The following CFAP45 variants were observed in gnomAD, a reference collection of about 807,000 sequenced individuals.
The protein encoded by CFAP45 is cilia and flagella associated protein 45.
In CFAP45, 43 loss-of-function variants were observed where a neutral mutation model predicts 75.6. The observed-to-expected ratio is 0.57, with a 90% CI of 0.45 to 0.73. The LOEUF is 0.73. Among genes scored for constraint, CFAP45 ranks in the 30% least tolerant of loss-of-function variants. The pLI is 0.00. For synonymous variants in CFAP45, 223 were observed against 244.6 expected, an observed-to-expected ratio of 0.91 and a Z score of 0.82; for missense variants, 689 against 701.5, an observed-to-expected ratio of 0.98 and a Z score of 0.20.
chr1:159,878,277 T>C (rs1020577579), intron 8 of CFAP45, among the ~76,000 whole-genome samples: 36 of 152,232 alleles, frequency 2.4e-4, no homozygotes, highest in Admixed American at 2.0e-3. Context: ...GAGCCAACCA[T>C]GCTTTGGGCA....
chr1:159,890,346 G>T, intron 3 of CFAP45, 134 bp downstream of exon 3: 1 of 800,278 alleles, frequency 1.2e-6, no homozygotes, highest in Non-Finnish European at 2.1e-6. Context: ...CAAACAAAAA[G>T]GGGAAAACGA....
rs139132888 is a variant in CFAP45, at chr1:159,872,984, G to A, written c.1537C>T (p.Arg513Cys). 1.0e-4 allele frequency: 163 copies of A among 1,614,058 alleles called. No individual in the cohort carries two copies. The highest frequency in any genetic ancestry group is 1.6e-4 in the Middle Eastern group (1 of 6,082). The change falls in exon 11 of 12, where the codon CGC (arginine) becomes TGC (cysteine). Residue 513 changes from arginine to cysteine, a missense_variant. Arg to Cys is a radical substitution (Grantham distance 180, BLOSUM62 -3). Transcript: ENST00000368099. ...TTTTTCCTCTTGATCTCATCGATGC[G>A]CTCACGGCGTTTCTGGGCCTCCTCT... The part of the protein sequence containing the change: ...LKEEAQKRRE[R>C]IDEIKRKKLE...
In CFAP45 at chr1:159,875,319, G is replaced by A. The variant is rs187171464; in HGVS notation, c.1352+1237C>T. Among the ~76,000 whole-genome samples the A allele has an allele frequency of 1.1e-3, 165 of 152,334 alleles. 3 individuals carry two copies. The highest frequency in any genetic ancestry group is 1.6e-3 in the Non-Finnish European group (107 of 68,028). ...CTGGAAGGCAGTCTGTAGCCCAAGGGCAGAATCTTGGGGGGCATTTAGGAA... is the reference window on the plus strand; with the variant it reads ...CTGGAAGGCAGTCTGTAGCCCAAGGACAGAATCTTGGGGGGCATTTAGGAA... On this transcript the variant is annotated intron_variant, in intron 10 of 11. Transcript: ENST00000368099.
intron 1 of CFAP45, chr1:159,898,112 C>T (rs1332690493): frequency 2.0e-6 from 2 of 985,290 alleles, no homozygotes; most frequent in Non-Finnish European, 2.4e-6. Context: ...CGCAGGCTGG[C>T]AAATTCAGGC....
chr1:159,873,274 G>A lies in CFAP45; in HGVS notation c.1353-106C>T, dbSNP rs530219563. The A allele has an allele frequency of 9.4e-6, 8 of 850,942 alleles. No individual in the cohort carries two copies. The East Asian group carries it at 2.1e-4, about 22-fold the overall frequency. 52.7% of individuals were successfully genotyped at this position (850,942 alleles called of 1,614,324 possible). ...GGGCTCCTTCAGTAGACATGCCTCAGAGACCACAGCCCTCTGGGCTCCAGC... is the reference window on the plus strand; with the variant it reads ...GGGCTCCTTCAGTAGACATGCCTCAAAGACCACAGCCCTCTGGGCTCCAGC... On this transcript the variant is annotated intron_variant, in intron 10 of 11. Transcript: ENST00000368099.
intron 1 of CFAP45, among the ~76,000 whole-genome samples, chr1:159,899,794 C>T (rs78929846): frequency 6.6e-6 from 1 of 152,270 alleles, no homozygotes; most frequent in African/African-American, 2.4e-5. Flanking sequence ...ACACCACATC[C>T]ACAATCTTTG....
intron 2 of CFAP45, 69 bp downstream of exon 2, chr1:159,893,111 G>A: frequency 6.4e-7 from 1 of 1,574,692 alleles, no homozygotes; most frequent in Non-Finnish European, 8.7e-7. Flanking sequence ...CAGAAGCTTT[G>A]CCCTGAGCTA....
chr1:159,883,276 A>G (rs1216525263), intron 7 of CFAP45, among the ~76,000 whole-genome samples: 1 of 141,508 alleles, frequency 7.1e-6, no homozygotes, highest in Admixed American at 7.6e-5. Context: ...TGTTATAAAA[A>G]TGAATGAAGA....
chr1:159,900,146 G>T lies in CFAP45; in HGVS notation c.-48C>A. 1 of 1,613,500 alleles carries T rather than the reference G, an allele frequency of 6.2e-7. No homozygotes were observed. The highest frequency in any genetic ancestry group is 8.5e-7 in the Non-Finnish European group (1 of 1,179,636). ...TCCGGACTTCTGCTGCCGCCTCGGC[G>T]CCGCCAAGGCCCTAGTGTTGACGCG... On this transcript the variant is annotated 5_prime_UTR_variant, in exon 1 of 12. Coordinates refer to ENST00000368099, the MANE Select transcript of CFAP45 (RefSeq NM_012337.3).
chr1:159,872,518 T>C lies in CFAP45; in HGVS notation c.1623A>G (p.Lys541=). 1.9e-6 allele frequency: 3 copies of C among 1,614,160 alleles called. No individual in the cohort carries two copies. In the South Asian group the frequency reaches 3.3e-5, roughly 18 times the overall value. Residue 541 remains lysine (K), a synonymous_variant, in exon 12 of 12, where the codon AAA becomes AAG. Transcript: ENST00000368099. ...CAGAGGTAGCTGGCAGGATGTTAGC[T>C]TTGCGCTCAGCTTCAATGCAGTACT... ...PEKYCIEAER[K]ANILPATSVN is the part of the protein sequence containing the mutation.
rs781655391 is a variant in CFAP45 at position 159,893,256 on chromosome 1, C to T, written c.53G>A (p.Arg18Lys). 1.9e-6 allele frequency: 3 copies of T among 1,613,896 alleles called. No homozygotes were observed. The highest frequency in any genetic ancestry group is 2.5e-6 in the Non-Finnish European group (3 of 1,179,956). Residue 18 changes from arginine (R) to lysine (K), a missense_variant, in exon 2 of 12, where the codon AGG (arginine) becomes AAG (lysine). Coordinates refer to ENST00000368099, the MANE Select transcript of CFAP45 (RefSeq NM_012337.3). The part of the protein sequence containing the change: ...ILSSSSAASN[R>K]SRNKARYRTK... ...CCGATAGCGAGCCTTATTCCTTGAC[C>T]TGTTGGAAGCGGCAGAAGAGGAGCT...
intron 2 of CFAP45, 99 bp downstream of exon 2, chr1:159,893,081 A>G (rs1649864797): frequency 2.2e-6 from 3 of 1,372,040 alleles, no homozygotes; most frequent in African/African-American, 1.4e-5. Flanking sequence ...AGAGTTACCT[A>G]CGAGAGCAAG....
chr1:159,873,396 G>GT, intron 10 of CFAP45: 1 of 582,094 alleles, frequency 1.7e-6, no homozygotes, highest in East Asian at 2.8e-5. Context: ...TCGCATGACT[G>GT]TATGTCATGG....
intron 10 of CFAP45, among the ~76,000 whole-genome samples, chr1:159,874,068 ACATCAG>A (rs1165868792): frequency 6.6e-6 from 1 of 152,184 alleles, no homozygotes; most frequent in African/African-American, 2.4e-5. Flanking sequence ...ATGGACCCTG[ACATCAG>A]GGAGAAAATC....
intron 10 of CFAP45, among the ~76,000 whole-genome samples, chr1:159,874,189 T>C (rs1296306313): frequency 6.6e-6 from 1 of 152,128 alleles, no homozygotes; most frequent in Non-Finnish European, 1.5e-5. Flanking sequence ...CTAATTTTGT[T>C]CTCAACATAA....
chr1:159,894,196 G>A (rs746851106), intron 1 of CFAP45, among the ~76,000 whole-genome samples: 1 of 152,032 alleles, frequency 6.6e-6, no homozygotes, highest in Non-Finnish European at 1.5e-5. Context: ...AGGCCAAGTC[G>A]GCCACATAGT....
intron 8 of CFAP45, among the ~76,000 whole-genome samples, 188 bp downstream of exon 8, chr1:159,880,364 GTC>G (rs1392631936): frequency 6.6e-6 from 1 of 152,194 alleles, no homozygotes; most frequent in African/African-American, 2.4e-5. Context: ...TTTCTAGGCT[GTC>G]TCTGTTAACG....
At chr1:159,890,451 C>T (rs1218596780) in intron 3 of CFAP45, 29 bp downstream of exon 3, 2 of 1,612,102 alleles carry the variant, frequency 1.2e-6, no homozygotes, top group Non-Finnish European at 1.7e-6. Flanking sequence ...GAGGACTGGA[C>T]ATAGAAGGGC....
Position 159,900,091 on chromosome 1 carries a change from CT to C in CFAP45, c.3+4del. On this transcript the variant is annotated splice_donor_region_variant and intron_variant, in intron 1 of 11. Coordinates refer to ENST00000368099, the MANE Select transcript of CFAP45 (RefSeq NM_012337.3). Reference sequence around the variant, plus strand: ...ACAAGGGGCCCATCTGAGGTTCTCCCTCACCATCTCCTCAGCCACACGCCCT... The same window carrying C: ...ACAAGGGGCCCATCTGAGGTTCTCCCCACCATCTCCTCAGCCACACGCCCT... 1 of 1,614,174 alleles carries C rather than the reference CT, an allele frequency of 6.2e-7. No individual in the cohort carries two copies.
Sources: gnomAD v4.1 joint callset for allele counts (sites outside exome capture counted in the v4.1 genomes callset) on GRCh38, gnomAD v4.1.1 for gene constraint, MANE v1.5 for transcripts, NCBI Gene and HGNC (gene_info 2026-07-23, HGNC 2026-07-21) for gene names.